The following ZFHX3 variants were observed in gnomAD, a reference collection of about 807,000 sequenced individuals.
ZFHX3 encodes the protein zinc finger homeobox protein 3.
ZFHX3 carries 42 observed loss-of-function variants against 279.1 expected under a neutral mutation model. That is an observed-to-expected ratio of 0.15 (90% CI 0.12 to 0.19). The LOEUF is 0.19. Ranked by LOEUF, ZFHX3 falls within the 10% of genes least tolerant of loss-of-function variation. ZFHX3 has a pLI of 1.00. For synonymous variants in ZFHX3, 2,293 were observed against 1,957.8 expected, an observed-to-expected ratio of 1.17 and a Z score of -4.52; for missense variants, 4,981 against 4,754.0, an observed-to-expected ratio of 1.05 and a Z score of -1.40.
At chr16:72,985,133 C>T (rs1962790945) in intron 1 of ZFHX3, among the ~76,000 whole-genome samples, 1 of 152,186 alleles carries the variant, frequency 6.6e-6, no homozygotes, top group Admixed American at 6.5e-5. Context: ...GGTCTGCCTA[C>T]TGGCTTTGTC....
rs554004180 is a variant in ZFHX3, at chr16:73,273,647, C to A, written c.-1193-16511G>T. Among the ~76,000 whole-genome samples the A allele has an allele frequency of 2.2e-4, 33 of 152,272 alleles. No homozygotes were observed. In the South Asian group the frequency reaches 6.8e-3, roughly 32 times the overall value. Reference sequence around the variant, plus strand: ...CATCAGTTTTTTAAGATCTAGCCCCCTCTTTGTAAAGGCTATAGAGTATTC... The same window carrying A: ...CATCAGTTTTTTAAGATCTAGCCCCATCTTTGTAAAGGCTATAGAGTATTC... On this transcript the variant is annotated intron_variant, in intron 4 of 17. Transcript: ENST00000641206.
chr16:72,992,949 C>T (rs1963149141), intron 1 of ZFHX3, among the ~76,000 whole-genome samples: 1 of 152,166 alleles, frequency 6.6e-6, no homozygotes, highest in Non-Finnish European at 1.5e-5. Context: ...CCAGCCTGGC[C>T]AACATGGTGA....
At chr16:73,048,781 G>C (rs868787090), upstream of ZFHX3, among the ~76,000 whole-genome samples, 33 of 152,224 alleles carry the variant, frequency 2.2e-4, 1 homozygote, top group Non-Finnish European at 5.9e-5. Flanking sequence ...TTCAGTTGCA[G>C]AAACTTATAA....
At chr16:73,076,344 A>T (rs1377737032) in intron 8 of ZFHX3, among the ~76,000 whole-genome samples, 9 of 152,218 alleles carry the variant, frequency 5.9e-5, no homozygotes, top group Admixed American at 5.2e-4. Context: ...ATCTGTTAGT[A>T]CTGGGAAGTG....
intron 3 of ZFHX3, among the ~76,000 whole-genome samples, chr16:73,424,408 C>A (rs2017772762): frequency 6.6e-6 from 1 of 152,146 alleles, no homozygotes; most frequent in South Asian, 2.1e-4. Context: ...CTTCTGGTAG[C>A]TTGAACATGG....
intron 5 of ZFHX3, among the ~76,000 whole-genome samples, chr16:73,240,859 G>C (rs1039019123): frequency 3.3e-5 from 5 of 152,328 alleles, no homozygotes; most frequent in African/African-American, 9.6e-5. Context: ...TTTCCAAATA[G>C]AGAAAAGGAT....
At chr16:73,888,543 T>G (rs2030425320) in intron 1 of ZFHX3, among the ~76,000 whole-genome samples, 1 of 152,220 alleles carries the variant, frequency 6.6e-6, no homozygotes, top group African/African-American at 2.4e-5. Flanking sequence ...GCTTTAACTT[T>G]TACTTTATCT....
intron 1 of ZFHX3, among the ~76,000 whole-genome samples, chr16:73,881,487 C>T (rs942804903): frequency 1.2e-5 from 1 of 83,628 alleles, no homozygotes; most frequent in African/African-American, 3.8e-5. Flanking sequence ...TCTGCCCCCC[C>T]CCCCCACTCT....
chr16:73,786,784 G>A (rs963409566), intron 1 of ZFHX3, among the ~76,000 whole-genome samples: 8 of 152,074 alleles, frequency 5.3e-5, no homozygotes, highest in Admixed American at 2.0e-4. Flanking sequence ...GAAGAACAGG[G>A]TGAGAGAGTC....
intron 4 of ZFHX3, among the ~76,000 whole-genome samples, chr16:72,864,887 C>T (rs1475632971): frequency 2.0e-5 from 3 of 152,136 alleles, no homozygotes; most frequent in Non-Finnish European, 2.9e-5. Context: ...ATTTATGAGC[C>T]GTGATGATGC....
intron 7 of ZFHX3, among the ~76,000 whole-genome samples, chr16:72,805,828 T>C (rs1246935657): frequency 6.6e-6 from 1 of 152,172 alleles, no homozygotes; most frequent in African/African-American, 2.4e-5. Flanking sequence ...CCAGGGAGAA[T>C]ACTGGGCCAT....
At chr16:73,279,457 C>T (rs1243593219) in intron 4 of ZFHX3, among the ~76,000 whole-genome samples, 6 of 151,780 alleles carry the variant, frequency 4.0e-5, no homozygotes, top group Non-Finnish European at 8.8e-5. Flanking sequence ...TTCAAGGGAA[C>T]ATTGCATTTT....
chr16:73,677,645 A>G (rs1437211067), intron 2 of ZFHX3, among the ~76,000 whole-genome samples: 3 of 152,030 alleles, frequency 2.0e-5, no homozygotes, highest in African/African-American at 4.8e-5. Flanking sequence ...GTTTGCATCT[A>G]TAAAAATAAA....
At chr16:73,281,515 C>A (rs186362273) in intron 4 of ZFHX3, among the ~76,000 whole-genome samples, 1 of 152,146 alleles carries the variant, frequency 6.6e-6, no homozygotes, top group South Asian at 2.1e-4. Flanking sequence ...CAGCCTAGTG[C>A]CTATAGCTAA....
chr16:73,486,035 T>C lies in ZFHX3; in HGVS notation c.-1546-29777A>G, dbSNP rs144854268. 6.8e-3 allele frequency among the ~76,000 whole-genome samples: 1,035 copies of C among 152,322 alleles called. 21 individuals carry two copies. Among genetic ancestry groups the C allele is most frequent in the African/African-American group, 0.024 (990 of 41,570 alleles). ...TGTCTGGCACATAGCAGTTGAGCCATAAACATATGTTGAGTGAATGTCATC... is the reference window on the plus strand; with the variant it reads ...TGTCTGGCACATAGCAGTTGAGCCACAAACATATGTTGAGTGAATGTCATC... On this transcript the variant is annotated intron_variant, in intron 2 of 17. Coordinates refer to the ZFHX3 transcript ENST00000641206.
intron 8 of ZFHX3, among the ~76,000 whole-genome samples, chr16:73,085,343 C>T (rs1211743024): frequency 1.3e-5 from 2 of 152,180 alleles, no homozygotes; most frequent in Non-Finnish European, 2.9e-5. Flanking sequence ...CTCACTGCAA[C>T]CTCTGCCTCC....
intron 3 of ZFHX3, among the ~76,000 whole-genome samples, chr16:72,930,504 G>A (rs1393048183): frequency 6.6e-6 from 1 of 152,052 alleles, no homozygotes; most frequent in Admixed American, 6.6e-5. Context: ...AGTATCTCGA[G>A]GCCCAAAGTC....
In ZFHX3 at chr16:73,473,710, T is replaced by C. The variant is rs116210686; in HGVS notation, c.-1546-17452A>G. Among the ~76,000 whole-genome samples the C allele has an allele frequency of 1.6e-3, 244 of 152,266 alleles. 2 individuals carry two copies. The highest frequency in any genetic ancestry group is 5.5e-3 in the African/African-American group (230 of 41,546). ...TACCTGCAATATCCAAACTCTACCA[T>C]CTCATGGTAAGCTGTCTTAAATGCT... On this transcript the variant is annotated intron_variant, in intron 2 of 17. Transcript: ENST00000641206.
At chr16:73,127,529 G>T in intron 7 of ZFHX3, 15 of 1,305,488 alleles carry the variant, frequency 1.1e-5, no homozygotes, top group Non-Finnish European at 1.4e-5. Context: ...GCCCCTGAAT[G>T]CAGAGATGGG....
Sources: gnomAD v4.1 joint callset for allele counts (sites outside exome capture counted in the v4.1 genomes callset) on GRCh38, gnomAD v4.1.1 for gene constraint, MANE v1.5 for transcripts, NCBI Gene and HGNC (gene_info 2026-07-23, HGNC 2026-07-21) for gene names.